Variants in MGAT4C observed in about 807,000 individuals in gnomAD.
MGAT4C encodes alpha-1,3-mannosyl-glycoprotein 4-beta-N-acetylglucosaminyltransferase C.
A neutral mutation model predicts 40.1 loss-of-function variants in MGAT4C; 19 were observed. That is an observed-to-expected ratio of 0.47 (90% CI 0.33 to 0.70). The LOEUF (loss-of-function observed/expected upper bound fraction) is 0.70, where lower values mean the gene tolerates loss of function less well. Ranked by LOEUF, MGAT4C falls within the 30% of genes least tolerant of loss-of-function variation. The pLI, the probability that MGAT4C is intolerant of heterozygous loss-of-function variation, is 0.02. For synonymous variants in MGAT4C, 181 were observed against 187.1 expected (o/e 0.97, Z 0.27); for missense variants, 491 against 563.2 (o/e 0.87, Z 1.30).
intron 2 of MGAT4C, among the ~76,000 whole-genome samples, chr12:86,494,796 A>C (rs1446700811): frequency 6.6e-6 from 1 of 152,018 alleles, no homozygotes; most frequent in African/African-American, 2.4e-5. Context: ...AAAAATAGGC[A>C]ACTAGTTCAT....
intron 2 of MGAT4C, among the ~76,000 whole-genome samples, chr12:86,462,382 C>T (rs557347998): frequency 6.6e-6 from 1 of 152,258 alleles, no homozygotes; most frequent in East Asian, 1.9e-4. Flanking sequence ...AGACACAGTT[C>T]CTGCCTTCAA....
intron 2 of MGAT4C, among the ~76,000 whole-genome samples, chr12:86,467,993 T>G (rs1295979186): frequency 6.6e-6 from 1 of 152,132 alleles, no homozygotes; most frequent in Non-Finnish European, 1.5e-5. Context: ...AATCAATGCT[T>G]CTATCCTCTA....
intron 1 of MGAT4C, among the ~76,000 whole-genome samples, chr12:86,757,431 A>G (rs1326276398): frequency 6.6e-6 from 1 of 152,162 alleles, no homozygotes; most frequent in Non-Finnish European, 1.5e-5. Context: ...GCATTGCATT[A>G]AATAGCCTAT....
intron 4 of MGAT4C, among the ~76,000 whole-genome samples, chr12:86,328,958 G>C (rs71452137): frequency 2.0e-5 from 3 of 151,606 alleles, no homozygotes; most frequent in Admixed American, 6.6e-5. Context: ...ACAAAAATCA[G>C]GTGGTGTGGT....
chr12:86,505,198 C>A (rs957737563), intron 2 of MGAT4C, among the ~76,000 whole-genome samples: 2 of 151,726 alleles, frequency 1.3e-5, no homozygotes, highest in Non-Finnish European at 2.9e-5. Context: ...TGACTACTCT[C>A]AATTGTTTGA....
chr12:86,400,159 A>G (rs1956330469), intron 3 of MGAT4C, among the ~76,000 whole-genome samples: 1 of 151,790 alleles, frequency 6.6e-6, no homozygotes, highest in Non-Finnish European at 1.5e-5. Flanking sequence ...TGAGGGCGAA[A>G]CTCCCCAACC....
chr12:86,765,938 A>G (rs1158907218), intron 1 of MGAT4C, among the ~76,000 whole-genome samples: 26 of 152,148 alleles, frequency 1.7e-4, no homozygotes, highest in Admixed American at 1.3e-4. Context: ...GACCATCAAG[A>G]CTAGGAAGAA....
intron 2 of MGAT4C, among the ~76,000 whole-genome samples, chr12:86,694,309 C>G (rs1365167132): frequency 6.7e-6 from 1 of 149,736 alleles, no homozygotes; most frequent in Non-Finnish European, 1.5e-5. Flanking sequence ...AAAATAAATT[C>G]TAAACATGAC....
At chr12:86,269,017 T>TAA (rs1952869866) in intron 4 of MGAT4C, among the ~76,000 whole-genome samples, 2 of 3,196 alleles carry the variant, frequency 6.3e-4, no homozygotes, top group African/African-American at 3.3e-3. Context: ...TACTTACATA[T>TAA]ATATATATAT....
chr12:86,376,384 C>A (rs989570530), intron 3 of MGAT4C, among the ~76,000 whole-genome samples: 3 of 151,628 alleles, frequency 2.0e-5, no homozygotes, highest in Non-Finnish European at 2.9e-5. Flanking sequence ...TCTCAAAAAA[C>A]CAAAAATAAA....
chr12:86,229,942 G>A (rs61949038), intron 1 of MGAT4C, among the ~76,000 whole-genome samples: 3 of 151,926 alleles, frequency 2.0e-5, no homozygotes, highest in African/African-American at 7.2e-5. Flanking sequence ...AAATGCTTCT[G>A]TTCTTCCACC....
chr12:86,593,764 G>A (rs1033678766), intron 2 of MGAT4C, among the ~76,000 whole-genome samples: 9 of 150,626 alleles, frequency 6.0e-5, no homozygotes, highest in Admixed American at 2.0e-4. Flanking sequence ...GATTTTTTTC[G>A]GCTGCATATT....
At chr12:86,141,711 T>G (rs967262379) in intron 1 of MGAT4C, among the ~76,000 whole-genome samples, 7 of 152,168 alleles carry the variant, frequency 4.6e-5, no homozygotes, top group Admixed American at 4.6e-4. Flanking sequence ...AAGTTTAGCT[T>G]TTTAGTCATA....
chr12:86,258,973 G>T (rs1435199615), upstream of MGAT4C, among the ~76,000 whole-genome samples: 1 of 151,848 alleles, frequency 6.6e-6, no homozygotes, highest in African/African-American at 2.4e-5. Context: ...TATTAGGACA[G>T]AATTTATATT....
At chr12:86,481,449 G>C (rs529005149) in intron 2 of MGAT4C, among the ~76,000 whole-genome samples, 1 of 152,022 alleles carries the variant, frequency 6.6e-6, no homozygotes, top group South Asian at 2.1e-4. Flanking sequence ...ATAAATGTGT[G>C]TATTACCCTC....
Position 86,669,086 on chromosome 12 carries a change from T to C in MGAT4C, c.-229+58123A>G, listed in dbSNP as rs963457041. ...CCACACCACCTTTCCTGTGCAGAGA[T>C]TGTGGTACAGGAAGACACTTTCTGC... On this transcript the variant is annotated intron_variant, in intron 2 of 7. Coordinates refer to the MGAT4C transcript ENST00000548651. Among the ~76,000 whole-genome samples, 7 of 152,140 alleles carry C rather than the reference T, an allele frequency of 4.6e-5. No individual in the cohort carries two copies. The South Asian group carries it at 1.0e-3, about 23-fold the overall frequency.
chr12:86,718,762 C>T (rs1950691390), intron 2 of MGAT4C, among the ~76,000 whole-genome samples: 1 of 152,066 alleles, frequency 6.6e-6, no homozygotes, highest in Admixed American at 6.6e-5. Flanking sequence ...GTGAACTGTG[C>T]AGGTAAGAAA....
chr12:86,289,308 T>G (rs1342824126), intron 4 of MGAT4C, among the ~76,000 whole-genome samples: 1 of 152,144 alleles, frequency 6.6e-6, no homozygotes, highest in Non-Finnish European at 1.5e-5. Flanking sequence ...TGGTTACTGT[T>G]GCCTTGTAGT....
intron 3 of MGAT4C, among the ~76,000 whole-genome samples, chr12:86,404,201 T>C (rs888964541): frequency 6.6e-6 from 1 of 152,082 alleles, no homozygotes; most frequent in East Asian, 1.9e-4. Flanking sequence ...TTCATAATCA[T>C]ATTTAACGGA....
Sources: gnomAD v4.1 joint callset for allele counts (sites outside exome capture counted in the v4.1 genomes callset) on GRCh38, gnomAD v4.1.1 for gene constraint, MANE v1.5 for transcripts, NCBI Gene and HGNC (gene_info 2026-07-23, HGNC 2026-07-21) for gene names.